The following PRELID2 variants were observed in gnomAD, a reference collection of about 807,000 sequenced individuals.
The protein encoded by PRELID2 is PRELI domain containing 2.
A neutral mutation model predicts 28.4 loss-of-function variants in PRELID2; 25 were observed. The observed-to-expected ratio is 0.88, with a 90% CI of 0.64 to 1.23. The LOEUF (loss-of-function observed/expected upper bound fraction) is 1.23, where lower values mean the gene tolerates loss of function less well. PRELID2 is among the 50% of genes most tolerant of loss of function. The probability of loss-of-function intolerance (pLI) is 0.00; values close to 1 mark genes in which losing one functional copy is unlikely to be tolerated. For missense variants in PRELID2, 201 were observed against 214.4 expected, an observed-to-expected ratio of 0.94 and a Z score of 0.39; for synonymous variants, 76 against 71.6, an observed-to-expected ratio of 1.06 and a Z score of -0.31.
chr5:145,455,533 G>T, the PRELID2 span, among the ~76,000 whole-genome samples: 3 of 152,260 alleles, frequency 2.0e-5, no homozygotes, highest in Admixed American at 2.0e-4. Flanking sequence ...ATTACTTTGG[G>T]CAGTATGGCC....
chr5:145,799,655 G>C (rs1195392982), intron 4 of PRELID2, among the ~76,000 whole-genome samples: 1 of 152,200 alleles, frequency 6.6e-6, no homozygotes, highest in African/African-American at 2.4e-5. Context: ...TATGGGGCTT[G>C]ATAAATTCTT....
intron 1 of PRELID2, among the ~76,000 whole-genome samples, chr5:145,596,959 C>A (rs953255284): frequency 6.6e-6 from 1 of 152,084 alleles, no homozygotes; most frequent in African/African-American, 2.4e-5. Flanking sequence ...GTTCCATAGT[C>A]CATTGAGAAG....
chr5:145,387,071 A>T, the PRELID2 span, among the ~76,000 whole-genome samples: 275 of 152,358 alleles, frequency 1.8e-3, 2 homozygotes, highest in African/African-American at 6.1e-3. Flanking sequence ...ATAGTAGTCA[A>T]TAAATCAATA....
At chr5:145,559,974 T>C (rs1752913263) in intron 1 of PRELID2, among the ~76,000 whole-genome samples, 1 of 152,168 alleles carries the variant, frequency 6.6e-6, no homozygotes, top group Non-Finnish European at 1.5e-5. Flanking sequence ...TAAGATGCAT[T>C]TAATACATTT....
chr5:145,589,412 TG>T (rs1753196804), intron 1 of PRELID2, among the ~76,000 whole-genome samples: 1 of 152,138 alleles, frequency 6.6e-6, no homozygotes, highest in African/African-American at 2.4e-5. Flanking sequence ...GTAATTTACA[TG>T]AAAACTATCT....
intron 1 of PRELID2, among the ~76,000 whole-genome samples, chr5:145,739,620 T>G (rs1309653936): frequency 7.7e-6 from 1 of 130,314 alleles, no homozygotes; most frequent in African/African-American, 2.7e-5. Context: ...GTTTAATAAT[T>G]GTAGAAAAAA....
At chr5:145,526,672 C>T (rs1752607505) in intron 1 of PRELID2, among the ~76,000 whole-genome samples, 1 of 152,092 alleles carries the variant, frequency 6.6e-6, no homozygotes, top group Non-Finnish European at 1.5e-5. Flanking sequence ...TCATGGGAGA[C>T]ATGTCAGGCT....
chr5:145,818,783 C>T (rs910695724), intron 3 of PRELID2, among the ~76,000 whole-genome samples: 7 of 152,164 alleles, frequency 4.6e-5, no homozygotes, highest in Non-Finnish European at 7.3e-5. Flanking sequence ...ACGGAAGCTG[C>T]CATTTGTTCC....
At chr5:145,348,063 A>G in the PRELID2 span, among the ~76,000 whole-genome samples, 4 of 152,282 alleles carry the variant, frequency 2.6e-5, no homozygotes, top group African/African-American at 9.6e-5. Flanking sequence ...TTAAGAAGCA[A>G]TAAACAGGCA....
At chr5:145,769,492 AG>A (rs1318062920) in intron 5 of PRELID2, among the ~76,000 whole-genome samples, 1 of 152,250 alleles carries the variant, frequency 6.6e-6, no homozygotes. Flanking sequence ...AAATTCAAAC[AG>A]TATATTTACT....
chr5:145,779,314 C>T (rs1195933358), intron 5 of PRELID2, among the ~76,000 whole-genome samples: 2 of 152,016 alleles, frequency 1.3e-5, no homozygotes, highest in African/African-American at 4.8e-5. Context: ...GTTAAGAGTG[C>T]TTCAGGGAAT....
rs186308556 is a variant in PRELID2 at position 145,528,383 on chromosome 5, C to T, written n.71-55068G>A. The stretch of plus-strand genomic sequence containing the variant: ...TTTGTTGAATGACTAAATGCTTAAA[C>T]GAATAAATAAATCTATAATGACGGA... On this transcript the variant is annotated intron_variant and non_coding_transcript_variant, in intron 1 of 2. Coordinates refer to the PRELID2 transcript ENST00000510259. Among the ~76,000 whole-genome samples, 272 of 152,146 alleles carry T rather than the reference C, an allele frequency of 1.8e-3. 3 individuals carry two copies. Among genetic ancestry groups the T allele is most frequent in the Non-Finnish European group, 3.2e-4 (22 of 68,004 alleles).
chr5:145,666,647 A>T (rs1413095036), intron 1 of PRELID2, among the ~76,000 whole-genome samples: 1 of 152,034 alleles, frequency 6.6e-6, no homozygotes, highest in African/African-American at 2.4e-5. Context: ...GCTTTTTGGG[A>T]ATGTGTAGTA....
intron 4 of PRELID2, among the ~76,000 whole-genome samples, chr5:145,805,208 C>T (rs1471182252): frequency 6.6e-6 from 1 of 152,160 alleles, no homozygotes; most frequent in East Asian, 1.9e-4. Context: ...CTCCTCATCC[C>T]TTATTTCCAT....
intron 4 of PRELID2, among the ~76,000 whole-genome samples, chr5:145,799,465 G>A (rs1752985799): frequency 6.6e-6 from 1 of 152,058 alleles, no homozygotes; most frequent in African/African-American, 2.4e-5. Context: ...GAAGGAGATG[G>A]TCTCTCTCCT....
intron 1 of PRELID2, among the ~76,000 whole-genome samples, chr5:145,620,365 A>G (rs1753757480): frequency 6.6e-6 from 1 of 152,232 alleles, no homozygotes; most frequent in African/African-American, 2.4e-5. Context: ...AATGTGCAAC[A>G]CTAAGAGTTA....
At chr5:145,573,288 C>A (rs1225998023) in intron 1 of PRELID2, among the ~76,000 whole-genome samples, 1 of 152,022 alleles carries the variant, frequency 6.6e-6, no homozygotes, top group African/African-American at 2.4e-5. Context: ...ATAACTAGTC[C>A]CCAAATAATT....
chr5:145,640,209 G>A (rs530594946), intron 1 of PRELID2, among the ~76,000 whole-genome samples: 113 of 152,256 alleles, frequency 7.4e-4, no homozygotes, highest in Middle Eastern at 3.4e-3. Flanking sequence ...GCCGGCGGCC[G>A]GGCGCGGTGG....
chr5:145,669,895 TC>T (rs1754671626), intron 1 of PRELID2, among the ~76,000 whole-genome samples: 1 of 152,118 alleles, frequency 6.6e-6, no homozygotes, highest in African/African-American at 2.4e-5. Context: ...CTTGATAATA[TC>T]AAATCGCCAT....
Sources: gnomAD v4.1 joint callset for allele counts (sites outside exome capture counted in the v4.1 genomes callset) on GRCh38, gnomAD v4.1.1 for gene constraint, MANE v1.5 for transcripts, NCBI Gene and HGNC (gene_info 2026-07-23, HGNC 2026-07-21) for gene names.